The following NCOR2 variants were observed in gnomAD, a reference collection of about 807,000 sequenced individuals.
NCOR2 encodes the protein CTG repeat protein 26.
A neutral mutation model predicts 262.9 loss-of-function variants in NCOR2; 81 were observed. That is an observed-to-expected ratio of 0.31 (90% confidence interval 0.26 to 0.37). The LOEUF (loss-of-function observed/expected upper bound fraction) is 0.37, where lower values mean the gene tolerates loss of function less well. Among genes scored for constraint, NCOR2 ranks in the 10% least tolerant of loss-of-function variants. The probability of loss-of-function intolerance (pLI) is 1.00; values close to 1 mark genes in which losing one functional copy is unlikely to be tolerated. For missense variants in NCOR2, 3,385 were observed against 3,621.4 expected, an observed-to-expected ratio of 0.93 and a Z score of 1.68; for synonymous variants, 1,659 against 1,559.3, an observed-to-expected ratio of 1.06 and a Z score of -1.51.
intron 5 of NCOR2, among the ~76,000 whole-genome samples, chr12:124,461,946 G>A (rs921908336): frequency 1.3e-5 from 2 of 152,034 alleles, no homozygotes; most frequent in African/African-American, 4.8e-5. Context: ...ACTCATATAC[G>A]CTTATACACA....
chr12:124,408,789 G>A (rs990070708), intron 13 of NCOR2, among the ~76,000 whole-genome samples: 7 of 152,158 alleles, frequency 4.6e-5, no homozygotes, highest in Non-Finnish European at 2.9e-5. Context: ...GAAAGCGAAG[G>A]TTACAAGCAC....
At chr12:124,455,215 T>A (rs577984921) in intron 6 of NCOR2, among the ~76,000 whole-genome samples, 5 of 152,204 alleles carry the variant, frequency 3.3e-5, no homozygotes, top group Admixed American at 1.3e-4. Context: ...CTGGACACTT[T>A]GAGTGAATGG....
intron 1 of NCOR2, among the ~76,000 whole-genome samples, chr12:124,558,128 G>A (rs2051943917): frequency 6.6e-6 from 1 of 152,236 alleles, no homozygotes; most frequent in South Asian, 2.1e-4. Flanking sequence ...GTCTCAGCAG[G>A]TACCGCAGAG....
intron 22 of NCOR2, among the ~76,000 whole-genome samples, chr12:124,359,384 C>G (rs2038315931): frequency 1.3e-5 from 2 of 152,210 alleles, no homozygotes; most frequent in African/African-American, 2.4e-5. Context: ...ATTAATGATG[C>G]CTGCTGTGAG....
rs778272930 is a variant in NCOR2, at chr12:124,484,876, G to A, written c.234-1103C>T. 7.4e-4 allele frequency among the ~76,000 whole-genome samples: 113 copies of A among 152,200 alleles called. 1 individual carries two copies. Among genetic ancestry groups the A allele is most frequent in the Non-Finnish European group, 1.5e-4 (10 of 68,024 alleles). Reference sequence around the variant, plus strand: ...TTCATGGCTGTCCCCAGGTACTGGCGCACAGTAGGTGTTCAATCAGTGCCT... The same window carrying A: ...TTCATGGCTGTCCCCAGGTACTGGCACACAGTAGGTGTTCAATCAGTGCCT... On this transcript the variant is annotated intron_variant, in intron 2 of 46. Coordinates refer to ENST00000405201, the Ensembl canonical transcript of NCOR2.
chr12:124,436,269 C>CAG (rs2044333148), intron 8 of NCOR2, among the ~76,000 whole-genome samples: 3 of 152,186 alleles, frequency 2.0e-5, no homozygotes, highest in Admixed American at 2.0e-4. Flanking sequence ...GCCAGGCCTG[C>CAG]GCCTGGGAGG....
At chr12:124,355,118 G>GGGGCC (rs1468895899) in intron 24 of NCOR2, 179 bp from the exon 27 acceptor site, 1 of 628,282 alleles carries the variant, frequency 1.6e-6, no homozygotes, top group Non-Finnish European at 2.7e-6. Flanking sequence ...CCCCTGTGAA[G>GGGGCC]GGGCCATGCC....
At chr12:124,492,244 G>A (rs556703297) in intron 1 of NCOR2, among the ~76,000 whole-genome samples, 13 of 152,302 alleles carry the variant, frequency 8.5e-5, no homozygotes, top group African/African-American at 2.6e-4. Context: ...ACTACCCCGC[G>A]CTTGCTGCGT....
chr12:124,561,314 T>C (rs998012474), intron 1 of NCOR2, among the ~76,000 whole-genome samples: 2 of 152,142 alleles, frequency 1.3e-5, no homozygotes, highest in African/African-American at 4.8e-5. Flanking sequence ...TACTCAAATT[T>C]ATTAAAAGTA....
At chr12:124,348,145 GA>G in intron 29 of NCOR2, 28 bp downstream of exon 31, 1 of 1,606,282 alleles carries the variant, frequency 6.2e-7, no homozygotes, top group African/African-American at 1.3e-5. Context: ...AGGGGGCACC[GA>G]GAGATGAAGT....
At chr12:124,527,828 T>A (rs564113188) in intron 1 of NCOR2, among the ~76,000 whole-genome samples, 11 of 152,310 alleles carry the variant, frequency 7.2e-5, no homozygotes, top group Admixed American at 5.2e-4. Flanking sequence ...GAAGCTCCAG[T>A]AGGTTTACAA....
At position 124,350,649 on chromosome 12, in the gene NCOR2, T is replaced by C. The variant is rs1231228001; in HGVS notation, c.3782A>G (p.Asp1261Gly). ...GATGACGTGGCCCTTGGGCAGGCTG[T>C]CCTCCCGGCCGCGGTCCAAGCGACT... Residue 1261 changes from aspartate (D) to glycine (G), a missense_variant, in exon 28 of 47, where the codon GAC becomes GGC. Asp to Gly is a moderately conservative substitution (Grantham distance 94). Transcript: ENST00000405201. The C allele has an allele frequency of 3.7e-6, 6 of 1,613,910 alleles. No individual in the cohort carries two copies. The South Asian group carries it at 6.6e-5, about 18-fold the overall frequency.
chr12:124,495,055 G>T lies in NCOR2; in HGVS notation c.105+92C>A. 1 of 1,492,014 alleles carries T rather than the reference G, an allele frequency of 6.7e-7. No individual in the cohort carries two copies. The allele number at this position is 1,492,014 out of a possible 1,614,324, so 92.4% of individuals were successfully genotyped here. ...GGGAGGCTCAGAGCCACATGAGCCT[G>T]GCTCCCAGGAGAAAGGAAGGGGTGA... On this transcript the variant is annotated intron_variant, in intron 1 of 46. Coordinates refer to ENST00000405201, the Ensembl canonical transcript of NCOR2. This position sits in a 1 kb window ranked among gnomAD's most constrained non-coding sequence, Gnocchi z 4.4.
At chr12:124,398,269 G>A in intron 15 of NCOR2, 88 bp from the exon 18 acceptor site, 1 of 1,414,682 alleles carries the variant, frequency 7.1e-7, no homozygotes. Context: ...GCCAGGGAGG[G>A]AGTAGACCAG....
At chr12:124,429,318 G>A in intron 10 of NCOR2, 1 of 432,728 alleles carries the variant, frequency 2.3e-6, no homozygotes, top group Non-Finnish European at 4.2e-6. Flanking sequence ...TGAGAGGCAG[G>A]GTCCTCGTCC....
chr12:124,456,209 C>A (rs1337974901), intron 6 of NCOR2, among the ~76,000 whole-genome samples: 1 of 152,220 alleles, frequency 6.6e-6, no homozygotes, highest in Non-Finnish European at 1.5e-5. Context: ...CCTGGGCGCA[C>A]TCACACGCAC....
At chr12:124,555,676 C>T (rs1187125210) in intron 1 of NCOR2, among the ~76,000 whole-genome samples, 1 of 152,214 alleles carries the variant, frequency 6.6e-6, no homozygotes, top group Non-Finnish European at 1.5e-5. Context: ...ACAAGTCTTG[C>T]TGGCCCCGGG....
At chr12:124,425,723 G>GC (rs933098740) in intron 11 of NCOR2, among the ~76,000 whole-genome samples, 1 of 152,106 alleles carries the variant, frequency 6.6e-6, no homozygotes, top group Non-Finnish European at 1.5e-5. Flanking sequence ...GCTCTGCACA[G>GC]CCCCCCTCCC....
rs142517610 is a variant in NCOR2, at chr12:124,438,044, C to A, written c.816-48G>T. The stretch of plus-strand genomic sequence containing the variant: ...ACAGGTCAGCCCGGCCGGGCTCAGG[C>A]GCTGCACCCCGTGCCATCCTGTTTG... On this transcript the variant is annotated intron_variant, in intron 7 of 46. Coordinates refer to ENST00000405201, the Ensembl canonical transcript of NCOR2. 8.0e-4 allele frequency: 1,234 copies of A among 1,547,964 alleles called. 4 individuals are homozygous for A. Among genetic ancestry groups the A allele is most frequent in the Non-Finnish European group, 1.1e-3 (1,205 of 1,136,300 alleles).
Sources: gnomAD v4.1 joint callset for allele counts (sites outside exome capture counted in the v4.1 genomes callset) on GRCh38, gnomAD v4.1.1 for gene constraint, Gnocchi (gnomAD v3.1) non-coding constraint, MANE v1.5 for transcripts, NCBI Gene and HGNC (gene_info 2026-07-23, HGNC 2026-07-21) for gene names.